The following COBL variants were observed in gnomAD, a reference collection of about 807,000 sequenced individuals.
COBL encodes the protein cordon-bleu WH2 repeat protein.
COBL carries 51 observed loss-of-function variants against 98.8 expected under a neutral mutation model. That is an observed-to-expected ratio of 0.52 (90% CI 0.41 to 0.65). The LOEUF (loss-of-function observed/expected upper bound fraction) is 0.65, where lower values mean the gene tolerates loss of function less well. Among genes scored for constraint, COBL ranks in the 30% least tolerant of loss-of-function variants. The pLI is 0.00. For synonymous variants in COBL, 634 were observed against 651.7 expected (o/e 0.97, Z 0.41); for missense variants, 1,617 against 1,617.5 (o/e 1.00, Z 0.01).
chr7:51,202,046 C>T (rs1791178719), intron 2 of COBL, among the ~76,000 whole-genome samples: 1 of 152,168 alleles, frequency 6.6e-6, no homozygotes, highest in African/African-American at 2.4e-5. Context: ...TCTCCGTTAT[C>T]AGATCGCTTG....
intron 1 of COBL, among the ~76,000 whole-genome samples, chr7:51,224,862 GT>G (rs923277853): frequency 8.6e-4 from 131 of 152,228 alleles, no homozygotes; most frequent in African/African-American, 2.9e-3. Context: ...TAGAGATGGG[GT>G]TACACCATGT....
Position 51,029,242 on chromosome 7 carries a change from G to T in COBL, c.1854C>A (p.Ile618=). The T allele has an allele frequency of 6.2e-7, 1 of 1,613,718 alleles. No homozygotes were observed. Among genetic ancestry groups the T allele is most frequent in the Non-Finnish European group, 8.5e-7 (1 of 1,179,812 alleles). Residue 618 remains isoleucine, a synonymous_variant, in exon 10 of 13, where the codon ATC becomes ATA. Transcript: ENST00000265136. ...TTTCCATTAGATTCCCATCTTTAGA[G>T]ATGTTAGATAAGGCCACACGGATTC... ...GKGIRVALSN[I]SKDGNLMETA... is the part of the protein sequence containing the mutation.
At chr7:51,303,608 C>A (rs1422996183) in intron 1 of COBL, among the ~76,000 whole-genome samples, 1 of 152,140 alleles carries the variant, frequency 6.6e-6, no homozygotes, top group Non-Finnish European at 1.5e-5. Flanking sequence ...TCATGAGCAC[C>A]TATTTATTTA....
chr7:51,016,948 T>C lies in COBL; in HGVS notation c.*603A>G, dbSNP rs1786338680. 2.5e-6 allele frequency: 1 copy of C among 402,478 alleles called. No individual in the cohort carries two copies. 24.9% of individuals were successfully genotyped at this position (402,478 alleles called of 1,614,324 possible). A position where few individuals can be genotyped will look rare whatever the true frequency, so the allele number is the denominator to read the frequency against. On this transcript the variant is annotated 3_prime_UTR_variant, in exon 13 of 13. Coordinates refer to ENST00000265136, the MANE Select transcript of COBL (RefSeq NM_015198.5). ...AAGCTTAGTTGGTCAGATCATGGACTGTGACCCTCTGTGAAGTGTTAGCCC... is the reference window on the plus strand; with the variant it reads ...AAGCTTAGTTGGTCAGATCATGGACCGTGACCCTCTGTGAAGTGTTAGCCC...
At chr7:51,223,811 C>A (rs1793898367) in intron 1 of COBL, among the ~76,000 whole-genome samples, 1 of 152,182 alleles carries the variant, frequency 6.6e-6, no homozygotes, top group East Asian at 1.9e-4. Flanking sequence ...TGCCCAGGTC[C>A]TATCATGGAC....
At position 51,316,610 on chromosome 7, in the gene COBL, C is replaced by A. The variant is rs1430796668; in HGVS notation, c.24G>T (p.Ala8=). Residue 8 remains alanine (A), a synonymous_variant, in exon 1 of 13, where the codon GCG becomes GCT. Transcript: ENST00000265136. MDAPRAS[A]AKPPTGRKMK... ...CCGCTTACCCGGTCGGGGGCTTGGC[C>A]GCCGAGGCGCGCGGCGCGTCCATGG... 2.5e-6 allele frequency: 3 copies of A among 1,203,744 alleles called. No homozygotes were observed. Among genetic ancestry groups the A allele is most frequent in the Admixed American group, 4.4e-5 (1 of 22,654 alleles). The allele number at this position is 1,203,744 out of a possible 1,614,324, so 74.6% of individuals were successfully genotyped here.
chr7:51,175,944 A>G (rs957451400), intron 5 of COBL, among the ~76,000 whole-genome samples: 1 of 151,852 alleles, frequency 6.6e-6, no homozygotes, highest in African/African-American at 2.4e-5. Flanking sequence ...TTTTGGCACT[A>G]CCCCCACGGG....
rs537808128 is a variant in COBL, at chr7:51,217,142, T to A, written c.245+2599A>T. ...ACTCCATCTCTAAGGCTGCACCTAT[T>A]CTCAGTCACTACATTACAAAACTTC... On this transcript the variant is annotated intron_variant, in intron 2 of 12. Coordinates refer to ENST00000265136, the MANE Select transcript of COBL (RefSeq NM_015198.5). Among the ~76,000 whole-genome samples the A allele has an allele frequency of 2.0e-5, 3 of 152,324 alleles. No homozygotes were observed. In the South Asian group the frequency reaches 6.2e-4, roughly 32 times the overall value.
intron 7 of COBL, among the ~76,000 whole-genome samples, chr7:51,075,589 C>T (rs1049281237): frequency 6.6e-6 from 1 of 152,124 alleles, no homozygotes; most frequent in Non-Finnish European, 1.5e-5. Context: ...AATAGTGGAT[C>T]TGTTCAGCCA....
intron 2 of COBL, among the ~76,000 whole-genome samples, chr7:51,197,636 T>C (rs1350675234): frequency 2.6e-5 from 4 of 152,202 alleles, no homozygotes; most frequent in Admixed American, 2.0e-4. Context: ...ACTATTAATG[T>C]GTGGGAGTTT....
intron 1 of COBL, among the ~76,000 whole-genome samples, chr7:51,234,294 G>A (rs1795029398): frequency 6.6e-6 from 1 of 152,248 alleles, no homozygotes; most frequent in South Asian, 2.1e-4. Flanking sequence ...TGGCCTCTGG[G>A]CACTTCTTGT....
At chr7:51,245,410 G>A (rs1052612426) in intron 1 of COBL, among the ~76,000 whole-genome samples, 3 of 152,070 alleles carry the variant, frequency 2.0e-5, no homozygotes, top group Non-Finnish European at 4.4e-5. Flanking sequence ...CCAATTCTGC[G>A]GTACTAAACA....
chr7:51,034,578 C>T (rs1395632112), intron 8 of COBL: 1 of 152,174 alleles, frequency 6.6e-6, no homozygotes, highest in Non-Finnish European at 1.5e-5. Context: ...TACTTCTCTC[C>T]AAAGGGTTAC....
At chr7:51,295,476 A>G (rs1208844302) in intron 1 of COBL, among the ~76,000 whole-genome samples, 2 of 152,228 alleles carry the variant, frequency 1.3e-5, no homozygotes. Flanking sequence ...ACTGGGACCA[A>G]TGAAATAATC....
intron 5 of COBL, among the ~76,000 whole-genome samples, chr7:51,143,725 C>T (rs1784770225): frequency 6.6e-6 from 1 of 152,226 alleles, no homozygotes; most frequent in South Asian, 2.1e-4. Context: ...GAAGGCTTCC[C>T]TGTAACTCCA....
chr7:51,067,395 G>GTACACATATACACATC (rs1371822531), intron 7 of COBL, among the ~76,000 whole-genome samples: 11 of 152,230 alleles, frequency 7.2e-5, no homozygotes, highest in African/African-American at 1.9e-4. Context: ...ACACACTTGT[G>GTACACATATACACATC]TATGTATGCA....
intron 9 of COBL, 67 bp downstream of exon 9, chr7:51,030,745 G>T: frequency 1.0e-6 from 1 of 976,490 alleles, no homozygotes; most frequent in Non-Finnish European, 1.6e-6. Flanking sequence ...TATGCTCAGA[G>T]GAAGTTACTG....
intron 2 of COBL, among the ~76,000 whole-genome samples, chr7:51,205,604 C>T (rs1791600292): frequency 6.7e-6 from 1 of 148,664 alleles, no homozygotes; most frequent in Non-Finnish European, 1.5e-5. Context: ...TGACATTGGT[C>T]TGGGCAGTTT....
At chr7:51,296,954 T>C (rs894572375) in intron 1 of COBL, among the ~76,000 whole-genome samples, 6 of 152,218 alleles carry the variant, frequency 3.9e-5, no homozygotes, top group East Asian at 1.9e-4. Context: ...AAGGAATTGA[T>C]GGCTGGGTGT....
Sources: gnomAD v4.1 joint callset for allele counts (sites outside exome capture counted in the v4.1 genomes callset) on GRCh38, gnomAD v4.1.1 for gene constraint, MANE v1.5 for transcripts, NCBI Gene and HGNC (gene_info 2026-07-23, HGNC 2026-07-21) for gene names.